CSF2RA: variants seen among roughly 807,000 people sequenced by gnomAD.
CSF2RA encodes granulocyte-macrophage colony-stimulating factor receptor subunit alpha.
A neutral mutation model predicts 51.6 loss-of-function variants in CSF2RA; 42 were observed. That is an observed-to-expected ratio of 0.81 (90% CI 0.64 to 1.05). The LOEUF is 1.05. Among genes scored for constraint, CSF2RA ranks in the 50% least tolerant of loss-of-function variants. The pLI, the probability that CSF2RA is intolerant of heterozygous loss-of-function variation, is 0.00. For missense variants in CSF2RA, 530 were observed against 501.1 expected, an observed-to-expected ratio of 1.06 and a Z score of -0.55; for synonymous variants, 222 against 193.0, an observed-to-expected ratio of 1.15 and a Z score of -1.24.
chrX:1,282,488 C>G (rs781630390), intron 2 of CSF2RA, 190 bp from the exon 3 acceptor site: 2 of 646,004 alleles, frequency 3.1e-6, no homozygotes, highest in South Asian at 3.5e-5. Context: ...TGTCCACGTC[C>G]TAATCCCATG....
intron 2 of CSF2RA, among the ~76,000 whole-genome samples, chrX:1,279,982 G>A (rs1219104110): frequency 1.3e-5 from 2 of 151,790 alleles, no homozygotes. Context: ...TATAGATGAG[G>A]TTTCACCGTA....
chrX:1,305,824 T>C lies in CSF2RA; in HGVS notation c.1125+297T>C, dbSNP rs1268521598. On this transcript the variant is annotated intron_variant, in intron 12 of 12. Transcript: ENST00000381529. ...GGCCAGGCACGGTGGCTCATGCCTGTCATCCCAGCACTTTGGGAGGTTGAG... is the reference window on the plus strand; with the variant it reads ...GGCCAGGCACGGTGGCTCATGCCTGCCATCCCAGCACTTTGGGAGGTTGAG... 1.8e-4 allele frequency: 280 copies of C among 1,530,334 alleles called. 5 individuals are homozygous for C. The Admixed American group carries it at 5.2e-3, about 28-fold the overall frequency. The allele number at this position is 1,530,334 out of a possible 1,614,324, so 94.8% of individuals were successfully genotyped here. A position where few individuals can be genotyped will look rare whatever the true frequency, so the allele number is the denominator to read the frequency against.
At chrX:1,284,195 C>CTCTTTTTTTTTTTT in intron 3 of CSF2RA, among the ~76,000 whole-genome samples, 1 of 91,750 alleles carries the variant, frequency 1.1e-5, no homozygotes, top group Non-Finnish European at 2.1e-5. Context: ...CTCTGTCTCT[C>CTCTTTTTTTTTTTT]TTTTTTTTTT....
At chrX:1,299,540 C>G (rs1246259071) in intron 9 of CSF2RA, among the ~76,000 whole-genome samples, 1 of 152,152 alleles carries the variant, frequency 6.6e-6, no homozygotes, top group African/African-American at 2.4e-5. Flanking sequence ...GCCTCAGCCT[C>G]CCTACAGAGA....
the CSF2RA span, among the ~76,000 whole-genome samples, chrX:1,316,651 G>A: frequency 2.6e-5 from 4 of 152,194 alleles, no homozygotes; most frequent in Admixed American, 1.3e-4. Context: ...GCCCATCCAC[G>A]CGGGAGGGAA....
At chrX:1,324,223 G>A in the CSF2RA span, among the ~76,000 whole-genome samples, 2 of 150,626 alleles carry the variant, frequency 1.3e-5, no homozygotes, top group African/African-American at 2.4e-5. Flanking sequence ...GCCAGGAGGG[G>A]TGATTCACGC....
intron 4 of CSF2RA, among the ~76,000 whole-genome samples, chrX:1,288,252 C>T (rs1445201306): frequency 1.5e-4 from 23 of 149,278 alleles, no homozygotes; most frequent in African/African-American, 3.4e-4. Context: ...GAGGCCGAGG[C>T]GGGTGGATCA....
At chrX:1,314,373 A>ATT (rs1448523154), downstream of CSF2RA, among the ~76,000 whole-genome samples, 2 of 145,970 alleles carry the variant, frequency 1.4e-5, no homozygotes, top group African/African-American at 5.1e-5. Flanking sequence ...CATCTGCCCA[A>ATT]CCACTCTGTG....
intron 12 of CSF2RA, among the ~76,000 whole-genome samples, chrX:1,307,322 C>T (rs1295506273): frequency 2.0e-5 from 3 of 152,090 alleles, no homozygotes; most frequent in Non-Finnish European, 2.9e-5. Flanking sequence ...TTTACACTTT[C>T]GGCTGATTGA....
chrX:1,297,161 C>T (rs1476688416), intron 9 of CSF2RA, among the ~76,000 whole-genome samples: 2 of 42,060 alleles, frequency 4.8e-5, no homozygotes, highest in African/African-American at 2.0e-4. Flanking sequence ...CCTACAGTCC[C>T]CTACTCACGA....
chrX:1,320,980 C>T, the CSF2RA span, among the ~76,000 whole-genome samples: 1 of 151,954 alleles, frequency 6.6e-6, no homozygotes, highest in South Asian at 2.1e-4. Context: ...GCTGGGATTA[C>T]AGGCAGACGC....
At chrX:1,319,107 T>C in the CSF2RA span, among the ~76,000 whole-genome samples, 1 of 142,938 alleles carries the variant, frequency 7.0e-6, no homozygotes, top group Non-Finnish European at 1.6e-5. Context: ...GCGATTCTCC[T>C]GCCTCAGCCT....
At position 1,309,487 on chromosome X, in the gene CSF2RA, A is replaced by T; in HGVS notation, c.*8A>T. The T allele has an allele frequency of 1.2e-6, 2 of 1,613,990 alleles. No homozygotes were observed. The highest frequency in any genetic ancestry group is 1.7e-6 in the Non-Finnish European group (2 of 1,179,850). ...GTGAAGGAAATTACCTGAGACCCAG[A>T]GGGTGTAGGAATGGCATGGACATCT... On this transcript the variant is annotated 3_prime_UTR_variant, in exon 13 of 13. Transcript: ENST00000381529.
chrX:1,288,441 C>A, intron 4 of CSF2RA, 78 bp from the exon 5 acceptor site: 2 of 1,589,214 alleles, frequency 1.3e-6, no homozygotes, highest in Non-Finnish European at 1.7e-6. Flanking sequence ...GAGATCACGC[C>A]ACTGCACTCC....
chrX:1,296,292 G>A (rs1443011028), intron 9 of CSF2RA, among the ~76,000 whole-genome samples: 8 of 133,456 alleles, frequency 6.0e-5, no homozygotes, highest in Non-Finnish European at 9.6e-5. Flanking sequence ...ACCCCTGGCG[G>A]AACTGTACAG....
chrX:1,273,499 T>G (rs1192945496), intron 1 of CSF2RA, among the ~76,000 whole-genome samples: 6 of 140,572 alleles, frequency 4.3e-5, no homozygotes, highest in Non-Finnish European at 6.1e-5. Flanking sequence ...TTGTTTTTTG[T>G]TTTTTTTTTA....
intron 2 of CSF2RA, among the ~76,000 whole-genome samples, chrX:1,275,971 G>T (rs1202512907): frequency 6.7e-6 from 1 of 150,272 alleles, no homozygotes; most frequent in African/African-American, 2.4e-5. Flanking sequence ...GGGATTACAG[G>T]CGTAAGCCAC....
chrX:1,307,431 C>G (rs2083706853), intron 12 of CSF2RA, among the ~76,000 whole-genome samples: 1 of 151,228 alleles, frequency 6.6e-6, no homozygotes, highest in East Asian at 1.9e-4. Context: ...CCACCCTTCC[C>G]CTTTAGACCT....
chrX:1,273,160 T>C (rs1257633487), intron 1 of CSF2RA, among the ~76,000 whole-genome samples: 1 of 151,970 alleles, frequency 6.6e-6, no homozygotes, highest in Non-Finnish European at 1.5e-5. Flanking sequence ...ATCTAAGAGG[T>C]CTGAGGAGGC....
Sources: gnomAD v4.1 joint callset for allele counts (sites outside exome capture counted in the v4.1 genomes callset) on GRCh38, gnomAD v4.1.1 for gene constraint, MANE v1.5 for transcripts, NCBI Gene and HGNC (gene_info 2026-07-23, HGNC 2026-07-21) for gene names.